Variants in PREP observed in about 807,000 individuals in gnomAD.
The protein encoded by PREP is dJ355L5.1 (prolyl endopeptidase).
Under a neutral mutation model 87.6 loss-of-function variants are expected in PREP, and 29 were observed. The observed-to-expected ratio is 0.33, with a 90% CI of 0.25 to 0.45. PREP has a LOEUF of 0.45. Ranked by LOEUF, PREP falls within the 20% of genes least tolerant of loss-of-function variation. The pLI is 1.00. For missense variants in PREP, 695 were observed against 886.5 expected (o/e 0.78, Z 2.74); for synonymous variants, 337 against 328.6 (o/e 1.03, Z -0.28).
rs776234213 is a variant in PREP, at chr6:105,329,024, A to G, written c.1018T>C (p.Trp340Arg). The part of the protein sequence containing the change: ...VPEHEKDVLE[W>R]IACVRSNFLV... ...AAGTTGGACCTGACACAAGCTATCCATTCTGAAAGGATAAGAAGAGAAAAA... is the reference window on the plus strand; with the variant it reads ...AAGTTGGACCTGACACAAGCTATCCGTTCTGAAAGGATAAGAAGAGAAAAA... The change falls in exon 9 of 15, where the codon TGG becomes CGG. Residue 340 changes from tryptophan (W) to arginine (R), a missense_variant and splice_region_variant. By Grantham distance (101) the Trp-to-Arg change is moderately radical. Transcript: ENST00000652536. 1.4e-5 allele frequency: 23 copies of G among 1,612,222 alleles called. No individual in the cohort carries two copies. Among genetic ancestry groups the G allele is most frequent in the Non-Finnish European group, 3.4e-6 (4 of 1,178,350 alleles).
At chr6:105,314,678 C>A (rs941687703) in intron 10 of PREP, among the ~76,000 whole-genome samples, 3 of 152,174 alleles carry the variant, frequency 2.0e-5, no homozygotes, top group Non-Finnish European at 4.4e-5. Context: ...AGTGACTTCC[C>A]CCATAGAGGT....
At chr6:105,301,256 T>C (rs1457108001) in intron 10 of PREP, among the ~76,000 whole-genome samples, 6 of 152,142 alleles carry the variant, frequency 3.9e-5, no homozygotes, top group Admixed American at 6.5e-5. Flanking sequence ...CATAAAAGGG[T>C]GTTGAGCTCC....
chr6:105,367,687 A>AAC (rs1772425690), intron 6 of PREP, among the ~76,000 whole-genome samples: 1 of 151,998 alleles, frequency 6.6e-6, no homozygotes, highest in Admixed American at 6.5e-5. Flanking sequence ...AAAAAAAAAA[A>AAC]AGAAAAACGG....
intron 6 of PREP, among the ~76,000 whole-genome samples, chr6:105,358,524 T>G (rs1772160254): frequency 6.6e-6 from 1 of 152,078 alleles, no homozygotes; most frequent in African/African-American, 2.4e-5. Flanking sequence ...CTAAATAACA[T>G]TTGGTCATTC....
chr6:105,302,859 G>T, intron 10 of PREP: 1 of 321,504 alleles, frequency 3.1e-6, no homozygotes. Flanking sequence ...TGCTCCGAGG[G>T]CTAAATACTC....
intron 10 of PREP, among the ~76,000 whole-genome samples, chr6:105,312,564 G>T (rs1770779033): frequency 6.6e-6 from 1 of 152,166 alleles, no homozygotes; most frequent in Admixed American, 6.5e-5. Context: ...CCTGATCAGA[G>T]AAGCCAGCAC....
chr6:105,370,049 C>G (rs368817169), intron 5 of PREP, among the ~76,000 whole-genome samples: 1 of 151,846 alleles, frequency 6.6e-6, no homozygotes, highest in Non-Finnish European at 1.5e-5. Context: ...GTCAGGAGTT[C>G]GAGACCAGCC....
chr6:105,363,034 C>A (rs907528635), intron 6 of PREP, among the ~76,000 whole-genome samples: 1 of 152,140 alleles, frequency 6.6e-6, no homozygotes, highest in Non-Finnish European at 1.5e-5. Context: ...TCAGGCAACA[C>A]ACTTTATATG....
chr6:105,351,084 T>C (rs768940472), intron 7 of PREP, among the ~76,000 whole-genome samples: 15 of 152,240 alleles, frequency 9.9e-5, no homozygotes, highest in Non-Finnish European at 1.3e-4. Flanking sequence ...GTGATGGTCT[T>C]TTTGCTATCA....
chr6:105,299,513 C>G (rs537592239), intron 10 of PREP, among the ~76,000 whole-genome samples: 17 of 152,252 alleles, frequency 1.1e-4, no homozygotes, highest in African/African-American at 3.9e-4. Context: ...GCACGAGAAT[C>G]TCTTGAACCC....
intron 2 of PREP, among the ~76,000 whole-genome samples, chr6:105,396,911 C>T (rs754403528): frequency 5.3e-5 from 8 of 151,988 alleles, no homozygotes; most frequent in African/African-American, 9.7e-5. Flanking sequence ...GGGCTGGGCG[C>T]GATGGTGCAC....
intron 12 of PREP, 26 bp from the exon 13 acceptor site, chr6:105,282,608 G>GTTAATT: frequency 1.2e-6 from 2 of 1,602,438 alleles, no homozygotes; most frequent in South Asian, 2.3e-5. Flanking sequence ...GTGGAAGATA[G>GTTAATT]TTAATTAACA....
At chr6:105,391,700 T>C (rs904708344) in intron 2 of PREP, among the ~76,000 whole-genome samples, 3 of 152,150 alleles carry the variant, frequency 2.0e-5, no homozygotes, top group Non-Finnish European at 4.4e-5. Context: ...AGAGAGCCCA[T>C]GATAAAGTAA....
rs1583028847 is a variant in PREP, at chr6:105,273,661, C to T, written c.*4483G>A. The T allele has an allele frequency of 2.6e-5, 4 of 152,290 alleles. No homozygotes were observed. In the South Asian group the frequency reaches 6.2e-4, roughly 24 times the overall value. The allele number at this position is 152,290 out of a possible 1,614,324, so 9.4% of individuals were successfully genotyped here. A position where few individuals can be genotyped will look rare whatever the true frequency, so the allele number is the denominator to read the frequency against. On this transcript the variant is annotated 3_prime_UTR_variant, in exon 15 of 15. Transcript: ENST00000652536. The stretch of plus-strand genomic sequence containing the variant: ...CTAAGCAACCTGCTCTTTGAATAAC[C>T]ACCCCGCTTTTCCCTAGGCTCTCCT...
chr6:105,355,536 A>C (rs1257800647), intron 6 of PREP, among the ~76,000 whole-genome samples: 9 of 152,042 alleles, frequency 5.9e-5, no homozygotes, highest in Non-Finnish European at 1.3e-4. Context: ...GTATTTTGTT[A>C]TCTTTGGCTT....
chr6:105,289,240 C>G (rs536005801), intron 10 of PREP, among the ~76,000 whole-genome samples: 10 of 152,302 alleles, frequency 6.6e-5, no homozygotes, highest in African/African-American at 2.4e-4. Context: ...CCGGGGCACA[C>G]AGAAAACAGG....
At chr6:105,372,845 C>T (rs888640115) in intron 5 of PREP, among the ~76,000 whole-genome samples, 3 of 152,152 alleles carry the variant, frequency 2.0e-5, no homozygotes, top group Non-Finnish European at 4.4e-5. Flanking sequence ...CTCATTTTTC[C>T]GCAGTTCCCT....
At chr6:105,345,358 A>G (rs866505441) in intron 7 of PREP, among the ~76,000 whole-genome samples, 1 of 152,124 alleles carries the variant, frequency 6.6e-6, no homozygotes, top group African/African-American at 2.4e-5. Context: ...ACCTCTCTGC[A>G]TTCAAATGTT....
At chr6:105,378,958 G>A (rs1218806651) in intron 2 of PREP, among the ~76,000 whole-genome samples, 5 of 152,156 alleles carry the variant, frequency 3.3e-5, no homozygotes, top group African/African-American at 4.8e-5. Context: ...ATCCCACTCT[G>A]CAGAACCATG....
Sources: allele counts gnomAD v4.1 joint callset (sites outside exome capture counted in the v4.1 genomes callset), GRCh38; gene constraint gnomAD v4.1.1; transcripts MANE v1.5; gene names NCBI Gene and HGNC (gene_info 2026-07-23, HGNC 2026-07-21).